IQCH: variants seen among roughly 807,000 people sequenced by gnomAD.
The protein encoded by IQCH is IQ motif containing H, also known as IQ domain-containing protein H.
In IQCH, 98 loss-of-function variants were observed where a neutral mutation model predicts 117.0. The observed-to-expected ratio is 0.84, with a 90% CI of 0.71 to 0.99. The LOEUF is 0.99. Among genes scored for constraint, IQCH ranks in the 50% least tolerant of loss-of-function variants. IQCH has a pLI of 0.00. For synonymous variants in IQCH, 412 were observed against 448.2 expected (o/e 0.92, Z 1.02); for missense variants, 1,102 against 1,243.8 (o/e 0.89, Z 1.72).
chr15:67,472,458 T>A lies in IQCH; in HGVS notation c.2677-3238T>A, dbSNP rs2083094737. Among the ~76,000 whole-genome samples the A allele has an allele frequency of 6.6e-6, 1 of 152,064 alleles. No homozygotes were observed. On this transcript the variant is annotated intron_variant, in intron 17 of 20. Transcript: ENST00000335894. This position sits in a 1 kb window ranked among gnomAD's most constrained non-coding sequence, Gnocchi z 4.3. ...ACCTGTGTTAGGGGGAAATGATTAATCCGGTGATACTGTTCAGAATCCCAG... is the reference window on the plus strand; with the variant it reads ...ACCTGTGTTAGGGGGAAATGATTAAACCGGTGATACTGTTCAGAATCCCAG...
chr15:67,405,640 TG>T lies in IQCH; in HGVS notation c.2097+5336del. ...CAAATTTATAGCTAATAAATGATTG[TG>T]CCTTGCTTTGAACCCACATCTGACT... On this transcript the variant is annotated intron_variant, in intron 14 of 20. Transcript: ENST00000335894. This position sits in a 1 kb window ranked among gnomAD's most constrained non-coding sequence, Gnocchi z 4.8. 1 of 152,266 alleles carries T rather than the reference TG, an allele frequency of 6.6e-6. No homozygotes were observed. The highest frequency in any genetic ancestry group is 1.9e-4 in the East Asian group (1 of 5,202). The allele number at this position is 152,266 out of a possible 1,614,324, so 9.4% of individuals were successfully genotyped here.
intron 16 of IQCH, among the ~76,000 whole-genome samples, chr15:67,461,723 CA>C (rs1419234343): frequency 6.6e-6 from 1 of 152,184 alleles, no homozygotes; most frequent in Admixed American, 6.5e-5. Flanking sequence ...TGATCTTAGG[CA>C]AACTATGAGG....
In IQCH at chr15:67,390,273, G is replaced by T. The variant is rs913971514; in HGVS notation, c.1632+1267G>T. 6.6e-6 allele frequency among the ~76,000 whole-genome samples: 1 copy of T among 152,098 alleles called. No individual in the cohort carries two copies. Among genetic ancestry groups the T allele is most frequent in the African/African-American group, 2.4e-5 (1 of 41,416 alleles). ...ACATAGTTACTATGGACATTAGGGT[G>T]CAAGGAAGAAAAAGAACTACCATTA... On this transcript the variant is annotated intron_variant, in intron 12 of 20. Transcript: ENST00000335894. The surrounding 1 kb of genome is among the most constrained non-coding windows in gnomAD (Gnocchi z 5.0).
chr15:67,484,574 C>CAA (rs61010661), intron 18 of IQCH, among the ~76,000 whole-genome samples: 21 of 125,542 alleles, frequency 1.7e-4, no homozygotes, highest in African/African-American at 5.1e-4. Context: ...ACTAAAAATA[C>CAA]AAAAAAAAAA....
intron 20 of IQCH, among the ~76,000 whole-genome samples, chr15:67,498,754 A>G (rs919532407): frequency 6.6e-6 from 1 of 152,246 alleles, no homozygotes; most frequent in Non-Finnish European, 1.5e-5. Flanking sequence ...TGCCTAAAGC[A>G]CAAGCAACCA....
At chr15:67,455,712 T>C (rs2082643396) in intron 16 of IQCH, among the ~76,000 whole-genome samples, 1 of 152,162 alleles carries the variant, frequency 6.6e-6, no homozygotes, top group East Asian at 1.9e-4. Context: ...CACAGAAGAC[T>C]TTTGGAGATC....
rs979923533 is a variant in IQCH at position 67,467,887 on chromosome 15, A to G, written c.2676+2590A>G. On this transcript the variant is annotated intron_variant, in intron 17 of 20. Coordinates refer to ENST00000335894, the MANE Select transcript of IQCH (RefSeq NM_001031715.3). The surrounding 1 kb of genome is among the most constrained non-coding windows in gnomAD (Gnocchi z 5.7). Reference sequence around the variant, plus strand: ...CCAGTGTGGGCCCTTTTCTTTAATAATATGCTATATAGAAGGAAAGCAAAC... The same window carrying G: ...CCAGTGTGGGCCCTTTTCTTTAATAGTATGCTATATAGAAGGAAAGCAAAC... 2.6e-5 allele frequency among the ~76,000 whole-genome samples: 4 copies of G among 152,196 alleles called. No homozygotes were observed. The highest frequency in any genetic ancestry group is 9.7e-5 in the African/African-American group (4 of 41,448).
At chr15:67,451,521 T>C (rs1258519076) in intron 16 of IQCH, among the ~76,000 whole-genome samples, 1 of 152,194 alleles carries the variant, frequency 6.6e-6, no homozygotes, top group Non-Finnish European at 1.5e-5. Context: ...AGTTTCCATG[T>C]AGTTGAGTGG....
chr15:67,400,147 C>G lies in IQCH; in HGVS notation c.1939C>G (p.His647Asp). 1.2e-6 allele frequency: 2 copies of G among 1,613,912 alleles called. No homozygotes were observed. Among genetic ancestry groups the G allele is most frequent in the East Asian group, 2.2e-5 (1 of 44,848 alleles). The change falls in exon 14 of 21, where the codon CAC becomes GAC. Residue 647 changes from histidine to aspartate, a missense_variant. His to Asp is a moderately conservative substitution (Grantham distance 81, BLOSUM62 -1). Around this residue, in one of 2 missense-constraint regions of IQCH, gnomAD observed 650 missense variants for 794.3 expected, o/e 0.82. Coordinates refer to ENST00000335894, the MANE Select transcript of IQCH (RefSeq NM_001031715.3). ...IEQLSQLITD[H>D]LQIQRWLFKM... is the part of the protein sequence containing the mutation. Reference sequence around the variant, plus strand: ...GCAGCTGAGTCAGCTGATAACTGATCACCTGCAAATACAGCGTTGGCTCTT... The same window carrying G: ...GCAGCTGAGTCAGCTGATAACTGATGACCTGCAAATACAGCGTTGGCTCTT...
At chr15:67,437,177 G>T (rs2082159253) in intron 16 of IQCH, among the ~76,000 whole-genome samples, 1 of 152,136 alleles carries the variant, frequency 6.6e-6, no homozygotes, top group Non-Finnish European at 1.5e-5. Flanking sequence ...CATCAGAACA[G>T]GCACTGGTAT....
chr15:67,392,171 A>G (rs553923348), intron 12 of IQCH, among the ~76,000 whole-genome samples: 1 of 152,188 alleles, frequency 6.6e-6, no homozygotes, highest in African/African-American at 2.4e-5. Context: ...ATTCAGTGAC[A>G]TGTGGATCAA....
At chr15:67,414,828 G>C (rs1166761356) in intron 14 of IQCH, among the ~76,000 whole-genome samples, 1 of 152,038 alleles carries the variant, frequency 6.6e-6, no homozygotes, top group Non-Finnish European at 1.5e-5. Context: ...GTGTATAACT[G>C]AGTAGATGAT....
chr15:67,281,230 A>G (rs1421467340), intron 4 of IQCH, among the ~76,000 whole-genome samples: 1 of 152,190 alleles, frequency 6.6e-6, no homozygotes, highest in East Asian at 1.9e-4. Context: ...TCATTACTAT[A>G]TTATGCCTAG....
At chr15:67,484,574 CAAA>C (rs61010661) in intron 18 of IQCH, among the ~76,000 whole-genome samples, 3,520 of 125,498 alleles carry the variant, frequency 0.028, 142 homozygotes, top group East Asian at 0.086. Context: ...ACTAAAAATA[CAAA>C]AAAAAAAAAA....
At chr15:67,303,206 T>C (rs1967138069) in intron 4 of IQCH, among the ~76,000 whole-genome samples, 1 of 152,130 alleles carries the variant, frequency 6.6e-6, no homozygotes, top group African/African-American at 2.4e-5. Flanking sequence ...ATATTTTGAC[T>C]CCATTTTTAT....
chr15:67,287,088 A>T (rs1415108871), intron 4 of IQCH, among the ~76,000 whole-genome samples: 1 of 152,172 alleles, frequency 6.6e-6, no homozygotes, highest in African/African-American at 2.4e-5. Context: ...TGATTTGCAT[A>T]TGTTGAACCC....
chr15:67,492,953 G>A (rs1250198479), intron 19 of IQCH, among the ~76,000 whole-genome samples: 1 of 152,060 alleles, frequency 6.6e-6, no homozygotes, highest in African/African-American at 2.4e-5. Context: ...AATTAGACTG[G>A]TAACCAAGAG....
intron 4 of IQCH, among the ~76,000 whole-genome samples, chr15:67,293,488 A>G (rs1966821908): frequency 6.6e-6 from 1 of 152,198 alleles, no homozygotes; most frequent in African/African-American, 2.4e-5. Context: ...ATTATTTGTA[A>G]TACTTAATAC....
intron 3 of IQCH, among the ~76,000 whole-genome samples, chr15:67,265,843 T>A (rs1021211358): frequency 6.6e-6 from 1 of 152,328 alleles, no homozygotes; most frequent in South Asian, 2.1e-4. Context: ...AGCCCAGAAT[T>A]TCTTCAAGTT....
Sources: allele counts gnomAD v4.1 joint callset (sites outside exome capture counted in the v4.1 genomes callset), GRCh38; gene constraint gnomAD v4.1.1; regional missense constraint gnomAD v4.1.1; non-coding constraint Gnocchi (gnomAD v3.1); transcripts MANE v1.5; gene names NCBI Gene and HGNC (gene_info 2026-07-23, HGNC 2026-07-21).